TMEM178B: variants seen among roughly 807,000 people sequenced by gnomAD.
TMEM178B encodes the protein transmembrane protein 178B.
Under a neutral mutation model 31.0 loss-of-function variants are expected in TMEM178B, and 5 were observed. The observed-to-expected ratio is 0.16, with a 90% CI of 0.08 to 0.34. The LOEUF is 0.34. Ranked by LOEUF, TMEM178B falls within the 10% of genes least tolerant of loss-of-function variation. The probability of loss-of-function intolerance (pLI) is 1.00; values close to 1 mark genes in which losing one functional copy is unlikely to be tolerated. For missense variants in TMEM178B, 275 were observed against 400.3 expected, an observed-to-expected ratio of 0.69 and a Z score of 2.67; for synonymous variants, 164 against 164.0, an observed-to-expected ratio of 1.00 and a Z score of 0.00.
intron 1 of TMEM178B, among the ~76,000 whole-genome samples, chr7:141,128,078 CT>C (rs1830384425): frequency 6.6e-6 from 1 of 152,246 alleles, no homozygotes; most frequent in African/African-American, 2.4e-5. Flanking sequence ...TTATTGTCCC[CT>C]TACTGATAAG....
At chr7:141,363,346 T>C (rs1465445154) in intron 2 of TMEM178B, among the ~76,000 whole-genome samples, 1 of 152,214 alleles carries the variant, frequency 6.6e-6, no homozygotes, top group Non-Finnish European at 1.5e-5. Context: ...ATTGCACATA[T>C]CTTTTGGGTG....
chr7:141,286,878 C>G (rs1271127742), intron 2 of TMEM178B, among the ~76,000 whole-genome samples: 1 of 152,136 alleles, frequency 6.6e-6, no homozygotes, highest in Admixed American at 6.5e-5. Context: ...GACATTTATT[C>G]AAATTTGAAT....
At chr7:141,391,994 A>G (rs1181453576) in intron 2 of TMEM178B, among the ~76,000 whole-genome samples, 1 of 152,010 alleles carries the variant, frequency 6.6e-6, no homozygotes, top group Non-Finnish European at 1.5e-5. Flanking sequence ...GAACATGGCT[A>G]TGAAAATATC....
intron 2 of TMEM178B, among the ~76,000 whole-genome samples, chr7:141,348,773 G>C (rs1426333582): frequency 6.6e-6 from 1 of 152,146 alleles, no homozygotes; most frequent in East Asian, 1.9e-4. Flanking sequence ...GGCTGATTTT[G>C]TCTGAAAAAG....
chr7:141,247,523 A>G (rs536019404), intron 2 of TMEM178B, among the ~76,000 whole-genome samples: 4 of 152,276 alleles, frequency 2.6e-5, no homozygotes, highest in Admixed American at 1.3e-4. Context: ...AGCGACATCC[A>G]TAGCTTCTCC....
intron 2 of TMEM178B, among the ~76,000 whole-genome samples, chr7:141,338,163 A>G (rs183837729): frequency 6.6e-6 from 1 of 152,184 alleles, no homozygotes; most frequent in African/African-American, 2.4e-5. Flanking sequence ...AAGCGAAGTT[A>G]TTTTTGAAAA....
intron 1 of TMEM178B, among the ~76,000 whole-genome samples, chr7:141,180,989 C>A (rs1477120630): frequency 6.6e-6 from 1 of 152,106 alleles, no homozygotes; most frequent in Non-Finnish European, 1.5e-5. Context: ...CCCACCCATC[C>A]ATCCACCCAT....
downstream of TMEM178B, among the ~76,000 whole-genome samples, chr7:141,484,604 C>T (rs775173663): frequency 7.2e-5 from 11 of 152,316 alleles, no homozygotes; most frequent in Non-Finnish European, 1.3e-4. This position sits in a 1 kb window ranked among gnomAD's most constrained non-coding sequence, Gnocchi z 4.8. Flanking sequence ...CTCTGTCACC[C>T]AGGCTGGAGT....
intron 1 of TMEM178B, among the ~76,000 whole-genome samples, chr7:141,160,785 A>G (rs1231271402): frequency 2.6e-5 from 4 of 152,210 alleles, no homozygotes; most frequent in African/African-American, 9.7e-5. Flanking sequence ...CGGATGTGGG[A>G]TTAACACAAT....
At chr7:141,420,229 A>C (rs1801179902) in intron 2 of TMEM178B, among the ~76,000 whole-genome samples, 2 of 151,700 alleles carry the variant, frequency 1.3e-5, no homozygotes. Flanking sequence ...ATGAATATGC[A>C]TGTAGTTTGT....
At chr7:141,463,055 A>G (rs1442161302) in intron 3 of TMEM178B, among the ~76,000 whole-genome samples, 1 of 152,162 alleles carries the variant, frequency 6.6e-6, no homozygotes, top group Non-Finnish European at 1.5e-5. Flanking sequence ...GCTGCTGCTT[A>G]TGTGTCAGCA....
intron 2 of TMEM178B, among the ~76,000 whole-genome samples, chr7:141,235,308 C>T (rs1797511233): frequency 6.6e-6 from 1 of 152,258 alleles, no homozygotes; most frequent in South Asian, 2.1e-4. Flanking sequence ...ATTTCTGTGC[C>T]TGTGTTGCAG....
chr7:141,265,124 T>G (rs1204657052), intron 2 of TMEM178B, among the ~76,000 whole-genome samples: 2 of 152,236 alleles, frequency 1.3e-5, no homozygotes, highest in African/African-American at 2.4e-5. Flanking sequence ...ATACTCAACC[T>G]GTTACAAGTC....
At chr7:141,395,002 G>A (rs923975607) in intron 2 of TMEM178B, among the ~76,000 whole-genome samples, 1 of 152,052 alleles carries the variant, frequency 6.6e-6, no homozygotes, top group East Asian at 1.9e-4. Context: ...GCTTCTCTTT[G>A]TCTACCCTCA....
At chr7:141,238,423 C>T (rs1285107290) in intron 2 of TMEM178B, among the ~76,000 whole-genome samples, 1 of 152,278 alleles carries the variant, frequency 6.6e-6, no homozygotes, top group East Asian at 1.9e-4. Context: ...TCTGGCTTAG[C>T]GTGCGATAGA....
At chr7:141,398,290 C>A (rs1800692722) in intron 2 of TMEM178B, among the ~76,000 whole-genome samples, 1 of 152,194 alleles carries the variant, frequency 6.6e-6, no homozygotes, top group African/African-American at 2.4e-5. Context: ...AAGGAGAAGC[C>A]TTTTTCATGC....
chr7:141,417,693 T>C (rs1801125287), intron 2 of TMEM178B, among the ~76,000 whole-genome samples: 2 of 152,190 alleles, frequency 1.3e-5, no homozygotes, highest in African/African-American at 4.8e-5. Flanking sequence ...CTTGTTTCAC[T>C]CTCCACTAGC....
chr7:141,157,171 G>A (rs1389198998), intron 1 of TMEM178B, among the ~76,000 whole-genome samples: 2 of 152,206 alleles, frequency 1.3e-5, no homozygotes, highest in African/African-American at 2.4e-5. Context: ...AAGTCACATC[G>A]CCAATCTGGA....
intron 1 of TMEM178B, among the ~76,000 whole-genome samples, chr7:141,075,273 A>G (rs1233800885): frequency 6.6e-6 from 1 of 152,160 alleles, no homozygotes; most frequent in Non-Finnish European, 1.5e-5. Context: ...ACAATTCTTT[A>G]TGTCTCCTTC....
Sources: gnomAD v4.1 joint callset for allele counts (sites outside exome capture counted in the v4.1 genomes callset) on GRCh38, gnomAD v4.1.1 for gene constraint, Gnocchi (gnomAD v3.1) non-coding constraint, MANE v1.5 for transcripts, NCBI Gene and HGNC (gene_info 2026-07-23, HGNC 2026-07-21) for gene names.